Variants in POLA1 observed in about 807,000 individuals in gnomAD.
POLA1 encodes DNA polymerase alpha catalytic subunit.
Under a neutral mutation model 124.0 loss-of-function variants are expected in POLA1, and 15 were observed. That is an observed-to-expected ratio of 0.12 (90% CI 0.08 to 0.19). POLA1 has a LOEUF of 0.19. POLA1 is among the 10% of genes least tolerant of loss of function. The pLI is 1.00. For synonymous variants in POLA1, 408 were observed against 389.4 expected (o/e 1.05, Z -0.56); for missense variants, 886 against 1,103.4 (o/e 0.80, Z 2.79).
intron 32 of POLA1, among the ~76,000 whole-genome samples, chrX:24,833,018 G>A (rs1475191721): frequency 9.0e-6 from 1 of 110,779 alleles, no homozygotes; most frequent in African/African-American, 3.3e-5. Context: ...CCAAAGCAGT[G>A]TACACTCTAC....
chrX:24,726,514 C>T (rs369166092), intron 13 of POLA1, among the ~76,000 whole-genome samples: 100 of 112,366 alleles, frequency 8.9e-4, no homozygotes, highest in African/African-American at 3.1e-3. Context: ...GTTTTGTTCC[C>T]ACAACGTTGG....
intron 36 of POLA1, among the ~76,000 whole-genome samples, chrX:24,942,331 C>T (rs930662886): frequency 9.8e-5 from 11 of 112,010 alleles, no homozygotes; most frequent in African/African-American, 3.2e-4. Context: ...CATATCTCAG[C>T]TGCCCTGTTC....
At chrX:24,960,004 T>C (rs1047108975) in intron 36 of POLA1, among the ~76,000 whole-genome samples, 1 of 111,446 alleles carries the variant, frequency 9.0e-6, no homozygotes, top group African/African-American at 3.3e-5. Flanking sequence ...TTCTTTGAAG[T>C]CTTTTGGGAT....
intron 36 of POLA1, among the ~76,000 whole-genome samples, chrX:24,978,716 A>G (rs2048392266): frequency 8.9e-6 from 1 of 111,894 alleles, no homozygotes. Context: ...CAGGATTGCA[A>G]CCCCAATAGT....
chrX:24,918,073 T>C (rs1252902890), intron 35 of POLA1, among the ~76,000 whole-genome samples: 1 of 110,421 alleles, frequency 9.1e-6, no homozygotes, highest in Non-Finnish European at 1.9e-5. Context: ...ATTATCATTA[T>C]ACCTGTTATC....
chrX:24,847,882 T>G (rs934530027), intron 34 of POLA1, among the ~76,000 whole-genome samples: 2 of 112,306 alleles, frequency 1.8e-5, no homozygotes, highest in Non-Finnish European at 3.8e-5. Flanking sequence ...ACAGGATTCT[T>G]GGGTTAACAC....
At position 24,955,415 on chromosome X, in the gene POLA1, A is replaced by G. The variant is rs759747638; in HGVS notation, c.4261+24866A>G. On this transcript the variant is annotated intron_variant, in intron 36 of 36. Transcript: ENST00000379068. ...GGCTGACCTCAAACTCCTGGGCTCAAGCAGTCCTCTCACCTTGGCCTCCTA... is the reference window on the plus strand; with the variant it reads ...GGCTGACCTCAAACTCCTGGGCTCAGGCAGTCCTCTCACCTTGGCCTCCTA... Among the ~76,000 whole-genome samples the G allele has an allele frequency of 2.7e-5, 3 of 110,060 alleles. No homozygotes were observed. In the East Asian group the frequency reaches 8.6e-4, roughly 32 times the overall value.
rs140741876 is a variant in POLA1, at chrX:24,732,830, T to C, written c.1771+376T>C. 2.5e-3 allele frequency among the ~76,000 whole-genome samples: 280 copies of C among 111,491 alleles called. 1 individual carries two copies. The highest frequency in any genetic ancestry group is 4.6e-3 in the Middle Eastern group (1 of 217). On this transcript the variant is annotated intron_variant, in intron 16 of 36. Transcript: ENST00000379068. ...AGAAGCTTGATCAAAGTTTTCTGTG[T>C]GATGAGGCAAGATGCCAAGGAATAA... is the stretch of plus-strand genomic sequence containing the variant.
At chrX:24,830,899 A>G (rs1312434181) in intron 32 of POLA1, among the ~76,000 whole-genome samples, 3 of 112,412 alleles carry the variant, frequency 2.7e-5, no homozygotes, top group East Asian at 2.8e-4. Flanking sequence ...GTAGTTATAA[A>G]GAACCTTTCT....
intron 34 of POLA1, among the ~76,000 whole-genome samples, chrX:24,861,189 A>G (rs923362012): frequency 1.8e-5 from 2 of 111,657 alleles, no homozygotes; most frequent in Admixed American, 9.5e-5. Flanking sequence ...CTGGAGTGCA[A>G]TGGTGTGATC....
intron 36 of POLA1, among the ~76,000 whole-genome samples, chrX:24,974,967 A>G (rs1190750963): frequency 8.9e-6 from 1 of 112,148 alleles, no homozygotes; most frequent in African/African-American, 3.2e-5. Flanking sequence ...AAATGTAGCA[A>G]TGGTTTTCTA....
intron 26 of POLA1, among the ~76,000 whole-genome samples, chrX:24,806,169 A>AGCT (rs770985331): frequency 8.1e-4 from 77 of 94,753 alleles, no homozygotes; most frequent in Admixed American, 2.3e-3. Flanking sequence ...TTCTGGATCA[A>AGCT]GCTTTTGGGC....
rs745740424 is a variant in POLA1 at position 24,744,520 on chromosome X, C to T, written c.2567-898C>T. On this transcript the variant is annotated intron_variant, in intron 23 of 36. Coordinates refer to ENST00000379068, the MANE Select transcript of POLA1 (RefSeq NM_001330360.2). ...TGTCCTACAGAAATATAGTAGCTTT[C>T]TGTTCTTCCTTTGCAAGTAAAAAGG... The T allele has an allele frequency of 2.0e-5, 7 of 354,780 alleles. No homozygotes were observed. The East Asian group carries it at 5.6e-4, about 29-fold the overall frequency. The allele number at this position is 354,780 out of a possible 1,213,427, so 29.2% of individuals were successfully genotyped here. A position where few individuals can be genotyped will look rare whatever the true frequency, so the allele number is the denominator to read the frequency against.
intron 1 of POLA1, among the ~76,000 whole-genome samples, chrX:24,696,606 A>G (rs1310306674): frequency 1.8e-5 from 2 of 111,216 alleles, no homozygotes; most frequent in Non-Finnish European, 3.8e-5. Flanking sequence ...AAGAGCATCA[A>G]CCTTTTCAGC....
chrX:24,771,924 C>T (rs1034743857), intron 26 of POLA1, among the ~76,000 whole-genome samples: 1 of 111,656 alleles, frequency 9.0e-6, no homozygotes, highest in African/African-American at 3.3e-5. Flanking sequence ...AAATTACAGT[C>T]TAACAATCTA....
rs1189054645 is a variant in POLA1, at chrX:24,989,429, A to AT, written c.4262-6362dup. 4.8e-3 allele frequency among the ~76,000 whole-genome samples: 486 copies of AT among 102,184 alleles called. 4 individuals carry two copies. Among genetic ancestry groups the AT allele is most frequent in the African/African-American group, 0.011 (324 of 28,203 alleles). The allele number at this position is 102,184 out of a possible 115,157, so 88.7% of individuals were successfully genotyped here. ...ATTAATTGGACATTAAGATTTTTAG[A>AT]TTTTTTTTTTTTTTGAGACAGGGTC... On this transcript the variant is annotated intron_variant, in intron 36 of 36. Coordinates refer to ENST00000379068, the MANE Select transcript of POLA1 (RefSeq NM_001330360.2).
chrX:24,841,616 C>A, intron 32 of POLA1, 36 bp from the exon 33 acceptor site: 1 of 919,175 alleles, frequency 1.1e-6, no homozygotes, highest in Non-Finnish European at 1.5e-6. Flanking sequence ...TTTTGGAATA[C>A]TTTTCTGAAT....
chrX:24,716,781 T>A, intron 7 of POLA1, 103 bp from the exon 8 acceptor site: 1 of 466,852 alleles, frequency 2.1e-6, no homozygotes, highest in Non-Finnish European at 3.6e-6. Flanking sequence ...ATACATAAAA[T>A]CTTTTTATAA....
intron 34 of POLA1, among the ~76,000 whole-genome samples, chrX:24,861,389 C>G (rs927196721): frequency 8.9e-6 from 1 of 112,878 alleles, no homozygotes; most frequent in Non-Finnish European, 1.9e-5. Flanking sequence ...GCCTCAGCTT[C>G]CCAAAGTGCT....
Sources: allele counts gnomAD v4.1 joint callset (sites outside exome capture counted in the v4.1 genomes callset), GRCh38; gene constraint gnomAD v4.1.1; transcripts MANE v1.5; gene names NCBI Gene and HGNC (gene_info 2026-07-23, HGNC 2026-07-21).